Variants in PRKAR1B observed in about 807,000 individuals in gnomAD.
PRKAR1B encodes the protein protein kinase cAMP-dependent type I regulatory subunit beta, also known as cAMP-dependent protein kinase type I-beta regulatory subunit.
In PRKAR1B, 22 loss-of-function variants were observed where a neutral mutation model predicts 46.5. That is an observed-to-expected ratio of 0.47 (90% CI 0.34 to 0.68). The LOEUF (loss-of-function observed/expected upper bound fraction) is 0.68, where lower values mean the gene tolerates loss of function less well. PRKAR1B is among the 30% of genes least tolerant of loss of function. The probability of loss-of-function intolerance (pLI) is 0.01; values close to 1 mark genes in which losing one functional copy is unlikely to be tolerated. For missense variants in PRKAR1B, 445 were observed against 535.6 expected, an observed-to-expected ratio of 0.83 and a Z score of 1.67; for synonymous variants, 259 against 217.7, an observed-to-expected ratio of 1.19 and a Z score of -1.67.
At chr7:570,728 G>A (rs1400081756) in intron 9 of PRKAR1B, among the ~76,000 whole-genome samples, 3 of 152,124 alleles carry the variant, frequency 2.0e-5, no homozygotes, top group South Asian at 2.1e-4. Flanking sequence ...TAACGCTGGC[G>A]TTCCAACCCC....
At chr7:719,381 G>A (rs1306116149) in intron 1 of PRKAR1B, among the ~76,000 whole-genome samples, 1 of 151,606 alleles carries the variant, frequency 6.6e-6, no homozygotes, top group Non-Finnish European at 1.5e-5. Flanking sequence ...GTCTCACTAT[G>A]TTGCCCAGGC....
chr7:567,698 G>A (rs1317420804), intron 9 of PRKAR1B, among the ~76,000 whole-genome samples: 1 of 152,214 alleles, frequency 6.6e-6, no homozygotes, highest in African/African-American at 2.4e-5. Context: ...CCTTGAAAAG[G>A]AAGGACATTC....
At chr7:681,711 C>A (rs1778696491) in intron 2 of PRKAR1B, among the ~76,000 whole-genome samples, 1 of 152,176 alleles carries the variant, frequency 6.6e-6, no homozygotes, top group Non-Finnish European at 1.5e-5. Flanking sequence ...GCAGGATGCA[C>A]CACCACTGCA....
chr7:669,034 C>T (rs1455983565), intron 4 of PRKAR1B, among the ~76,000 whole-genome samples: 3 of 152,216 alleles, frequency 2.0e-5, no homozygotes, highest in African/African-American at 7.2e-5. Context: ...CCCATGTTCA[C>T]AGCAGCACTA....
upstream of PRKAR1B, chr7:727,417 C>T (rs1453021677): frequency 2.2e-5 from 12 of 553,346 alleles, no homozygotes; most frequent in South Asian, 9.1e-5. Context: ...GCCCCGCCCC[C>T]CTCCACGCCC....
chr7:591,944 G>A (rs2128453805), intron 7 of PRKAR1B, among the ~76,000 whole-genome samples: 1 of 152,338 alleles, frequency 6.6e-6, no homozygotes, highest in East Asian at 1.9e-4. Context: ...TGTGGGGTTG[G>A]CAACTTCAGT....
chr7:691,560 G>A lies in PRKAR1B; in HGVS notation c.178-10834C>T, dbSNP rs140630457. On this transcript the variant is annotated intron_variant, in intron 2 of 10. Transcript: ENST00000537384. ...ATTACCAGTGGATCCATGTCCACACGCCCTTCCGCCTACACGCAGTCCTTT... is the reference window on the plus strand; with the variant it reads ...ATTACCAGTGGATCCATGTCCACACACCCTTCCGCCTACACGCAGTCCTTT... 5.8e-5 allele frequency: 76 copies of A among 1,304,450 alleles called. No individual in the cohort carries two copies. In the East Asian group the frequency reaches 3.2e-3, roughly 55 times the overall value. The allele number at this position is 1,304,450 out of a possible 1,614,324, so 80.8% of individuals were successfully genotyped here. A position where few individuals can be genotyped will look rare whatever the true frequency, so the allele number is the denominator to read the frequency against.
At chr7:551,835 T>C (rs1176057505) in intron 9 of PRKAR1B, among the ~76,000 whole-genome samples, 1 of 133,754 alleles carries the variant, frequency 7.5e-6, no homozygotes, top group Non-Finnish European at 1.6e-5. Context: ...CCCAGGTCCT[T>C]CTCCCAGAGC....
intron 9 of PRKAR1B, among the ~76,000 whole-genome samples, chr7:559,961 A>T (rs1778684342): frequency 6.6e-6 from 1 of 152,120 alleles, no homozygotes; most frequent in Admixed American, 6.6e-5. Context: ...CCAGCTACTC[A>T]GGAGGCTGAG....
At chr7:627,333 G>A (rs1783459592) in intron 4 of PRKAR1B, among the ~76,000 whole-genome samples, 3 of 152,178 alleles carry the variant, frequency 2.0e-5, no homozygotes, top group Admixed American at 2.0e-4. Flanking sequence ...GGGTAGCGGT[G>A]GGGGCCGAGG....
chr7:685,774 G>T (rs1204725274), intron 2 of PRKAR1B, among the ~76,000 whole-genome samples: 3 of 151,888 alleles, frequency 2.0e-5, no homozygotes, highest in Non-Finnish European at 2.9e-5. Flanking sequence ...AGCTAAACTA[G>T]CATTCATGTT....
chr7:660,477 T>C (rs1369284471), intron 4 of PRKAR1B, among the ~76,000 whole-genome samples: 3 of 118,980 alleles, frequency 2.5e-5, no homozygotes, highest in Non-Finnish European at 1.7e-5. Context: ...CTGCCCCCAA[T>C]GCCACAGGTC....
intron 8 of PRKAR1B, among the ~76,000 whole-genome samples, chr7:582,454 T>C (rs1379023218): frequency 6.6e-6 from 1 of 152,368 alleles, no homozygotes; most frequent in South Asian, 2.1e-4. Flanking sequence ...GTGCCGATGC[T>C]GACTGGGCAG....
At chr7:695,176 G>A (rs1044011541) in intron 2 of PRKAR1B, among the ~76,000 whole-genome samples, 13 of 152,292 alleles carry the variant, frequency 8.5e-5, no homozygotes, top group South Asian at 2.1e-4. Flanking sequence ...ACTCACAGTC[G>A]CTCTGTGATC....
intron 9 of PRKAR1B, among the ~76,000 whole-genome samples, chr7:556,974 G>T (rs1266388002): frequency 6.6e-6 from 1 of 152,206 alleles, no homozygotes; most frequent in Non-Finnish European, 1.5e-5. Flanking sequence ...CCACTCAGCT[G>T]CCCCTTGCCC....
chr7:552,957 G>C (rs192951561), intron 9 of PRKAR1B, among the ~76,000 whole-genome samples: 171 of 152,384 alleles, frequency 1.1e-3, no homozygotes, highest in African/African-American at 3.7e-3. Flanking sequence ...TTAACACAGA[G>C]GCCGTGGGCA....
intron 4 of PRKAR1B, among the ~76,000 whole-genome samples, chr7:652,635 T>C (rs1034520496): frequency 2.0e-5 from 3 of 152,266 alleles, no homozygotes; most frequent in African/African-American, 7.2e-5. Context: ...CTGGAGGTTC[T>C]GCCCTAGGGA....
At chr7:583,336 T>G in intron 8 of PRKAR1B, among the ~76,000 whole-genome samples, 1 of 151,852 alleles carries the variant, frequency 6.6e-6, no homozygotes, top group Non-Finnish European at 1.5e-5. Context: ...CCACACTGCA[T>G]ACACACACGT....
chr7:671,614 A>G (rs1446550882), intron 4 of PRKAR1B, among the ~76,000 whole-genome samples: 1 of 151,888 alleles, frequency 6.6e-6, no homozygotes, highest in African/African-American at 2.4e-5. Flanking sequence ...GTGTACCACC[A>G]GGCCCGGGTA....
Sources: gnomAD v4.1 joint callset for allele counts (sites outside exome capture counted in the v4.1 genomes callset) on GRCh38, gnomAD v4.1.1 for gene constraint, MANE v1.5 for transcripts, NCBI Gene and HGNC (gene_info 2026-07-23, HGNC 2026-07-21) for gene names.